TMEM181: variants seen among roughly 807,000 people sequenced by gnomAD.
TMEM181 encodes G protein-coupled receptor 178.
Under a neutral mutation model 71.9 loss-of-function variants are expected in TMEM181, and 39 were observed. The ratio of observed to expected loss-of-function variants is 0.54; its 90% CI spans 0.42 to 0.71. The LOEUF is 0.71. Among genes scored for constraint, TMEM181 ranks in the 30% least tolerant of loss-of-function variants. TMEM181 has a pLI of 0.00. For synonymous variants in TMEM181, 245 were observed against 228.8 expected (o/e 1.07, Z -0.64); for missense variants, 595 against 583.0 (o/e 1.02, Z -0.21).
At chr6:158,557,374 AC>A (rs1781933993), upstream of TMEM181, among the ~76,000 whole-genome samples, 1 of 152,228 alleles carries the variant, frequency 6.6e-6, no homozygotes, top group African/African-American at 2.4e-5. Context: ...TGTCTCAAAA[AC>A]AAACAGGTCA....
intron 11 of TMEM181, 107 bp downstream of exon 11, chr6:158,623,714 A>G (rs770300630): frequency 5.3e-6 from 4 of 760,288 alleles, no homozygotes; most frequent in Non-Finnish European, 8.4e-6. Context: ...CTAACTGACT[A>G]CTTGGGAAGG....
chr6:158,596,411 G>C (rs1784393828), intron 6 of TMEM181, among the ~76,000 whole-genome samples: 1 of 152,144 alleles, frequency 6.6e-6, no homozygotes. Context: ...GCTTTTGTTT[G>C]GCATTTCCTT....
At chr6:158,626,872 T>C (rs1339301484) in intron 13 of TMEM181, among the ~76,000 whole-genome samples, 1 of 107,406 alleles carries the variant, frequency 9.3e-6, no homozygotes, top group African/African-American at 3.4e-5. Context: ...ACACCCTCAC[T>C]CTCACACTCT....
chr6:158,608,793 A>G (rs1469798910), intron 10 of TMEM181, 43 bp downstream of exon 10: 28 of 1,586,884 alleles, frequency 1.8e-5, no homozygotes, highest in Non-Finnish European at 2.4e-5. Context: ...CATGAAAAGC[A>G]TTTGACAAAA....
intron 1 of TMEM181, among the ~76,000 whole-genome samples, chr6:158,537,540 C>T (rs1781169194): frequency 6.6e-6 from 1 of 152,228 alleles, no homozygotes; most frequent in African/African-American, 2.4e-5. Context: ...CCGCCCCCTT[C>T]CTCTCTGCGC....
chr6:158,579,306 G>A (rs1309213373), intron 2 of TMEM181, among the ~76,000 whole-genome samples: 2 of 151,118 alleles, frequency 1.3e-5, no homozygotes, highest in African/African-American at 2.4e-5. Context: ...GTACACCCAT[G>A]TTCATAGCAG....
chr6:158,623,417 A>G (rs1021173807), intron 10 of TMEM181, 133 bp from the exon 11 acceptor site: 8 of 549,458 alleles, frequency 1.5e-5, no homozygotes, highest in Non-Finnish European at 2.2e-5. Flanking sequence ...ATTGCTTTGT[A>G]AAAATCCTTC....
chr6:158,625,769 T>A lies in TMEM181; in HGVS notation c.1109+15T>A. On this transcript the variant is annotated intron_variant, in intron 13 of 16. Coordinates refer to ENST00000684151, the MANE Select transcript of TMEM181 (RefSeq NM_001376852.1). ...CTTGTCATTAGGTAAGAAGACCTTA[T>A]TTCTTGAAAACAGCAAAACGGAATT... The A allele has an allele frequency of 6.2e-7, 1 of 1,604,862 alleles. No homozygotes were observed. The highest frequency in any genetic ancestry group is 2.2e-5 in the East Asian group (1 of 44,854).
intron 2 of TMEM181, among the ~76,000 whole-genome samples, chr6:158,580,558 T>C (rs1327375077): frequency 6.6e-6 from 1 of 152,212 alleles, no homozygotes; most frequent in African/African-American, 2.4e-5. Flanking sequence ...AAGTGTGTCT[T>C]AGGTTTTGGA....
chr6:158,569,524 C>G (rs548315166), intron 1 of TMEM181, among the ~76,000 whole-genome samples: 1 of 151,906 alleles, frequency 6.6e-6, no homozygotes, highest in African/African-American at 2.4e-5. Context: ...GAAGGGGAGA[C>G]AATGGATTTT....
At chr6:158,617,127 T>G (rs1484283082) in intron 10 of TMEM181, among the ~76,000 whole-genome samples, 2 of 152,212 alleles carry the variant, frequency 1.3e-5, no homozygotes, top group Non-Finnish European at 2.9e-5. Context: ...CTTTTTTTCG[T>G]TGGTAAGCTA....
In TMEM181 at chr6:158,634,846, T is replaced by G. The variant is rs974027104; in HGVS notation, c.*2958T>G. The G allele has an allele frequency of 6.6e-6, 1 of 152,170 alleles. No homozygotes were observed. The highest frequency in any genetic ancestry group is 2.1e-4 in the South Asian group (1 of 4,824). The allele number at this position is 152,170 out of a possible 1,614,324, so 9.4% of individuals were successfully genotyped here. On this transcript the variant is annotated 3_prime_UTR_variant, in exon 17 of 17. Coordinates refer to ENST00000684151, the MANE Select transcript of TMEM181 (RefSeq NM_001376852.1). ...ACTGAGGGTAGTTATGTTAAATAGA[T>G]TATAATGTGGTAAATTATTTCCTGA... is the stretch of plus-strand genomic sequence containing the variant.
At chr6:158,565,230 C>T (rs1383695465) in intron 1 of TMEM181, among the ~76,000 whole-genome samples, 1 of 152,228 alleles carries the variant, frequency 6.6e-6, no homozygotes, top group Admixed American at 6.5e-5. Flanking sequence ...CAGCTGAGTG[C>T]TTGCGGACTG....
intron 9 of TMEM181, 72 bp from the exon 10 acceptor site, chr6:158,608,587 G>A (rs2128317595): frequency 6.3e-7 from 1 of 1,596,338 alleles, no homozygotes; most frequent in Non-Finnish European, 8.5e-7. Flanking sequence ...CATACTCAAT[G>A]GAAAAATCAC....
At chr6:158,539,285 A>G (rs1781251016) in intron 1 of TMEM181, among the ~76,000 whole-genome samples, 1 of 152,222 alleles carries the variant, frequency 6.6e-6, no homozygotes, top group African/African-American at 2.4e-5. Flanking sequence ...TATAGTGAGA[A>G]GATGTTTTAG....
chr6:158,560,073 TCGG>T, upstream of TMEM181: 1 of 985,102 alleles, frequency 1.0e-6, no homozygotes, highest in Non-Finnish European at 1.2e-6. Flanking sequence ...GCACGTGATC[TCGG>T]CGTCGCGCTC....
chr6:158,541,898 C>CTTTTTTTTTTTTTTTTT (rs10583860), intron 1 of TMEM181, among the ~76,000 whole-genome samples: 1 of 66,624 alleles, frequency 1.5e-5, no homozygotes, highest in East Asian at 5.6e-4. Flanking sequence ...GGGATTTTAT[C>CTTTTTTTTTTTTTTTTT]TTTTTTTTTT....
intron 14 of TMEM181, among the ~76,000 whole-genome samples, chr6:158,629,142 CTT>C (rs1429493475): frequency 5.9e-5 from 9 of 152,186 alleles, no homozygotes; most frequent in African/African-American, 2.2e-4. Context: ...GCTTTCCACT[CTT>C]TGTTGGGGAC....
At chr6:158,609,421 A>G (rs1020469831) in intron 10 of TMEM181, among the ~76,000 whole-genome samples, 7 of 152,112 alleles carry the variant, frequency 4.6e-5, no homozygotes, top group African/African-American at 1.7e-4. Flanking sequence ...TTGTACCCTC[A>G]TGTCACACTC....
Sources: allele counts gnomAD v4.1 joint callset (sites outside exome capture counted in the v4.1 genomes callset), GRCh38; gene constraint gnomAD v4.1.1; transcripts MANE v1.5; gene names NCBI Gene and HGNC (gene_info 2026-07-23, HGNC 2026-07-21).